TMC3: variants seen among roughly 807,000 people sequenced by gnomAD.
TMC3 encodes transmembrane channel-like protein 3.
Under a neutral mutation model 110.6 loss-of-function variants are expected in TMC3, and 98 were observed. The ratio of observed to expected loss-of-function variants is 0.89; its 90% CI spans 0.75 to 1.05. TMC3 has a LOEUF of 1.05. Among genes scored for constraint, TMC3 ranks in the 50% least tolerant of loss-of-function variants. TMC3 has a pLI of 0.00. For synonymous variants in TMC3, 489 were observed against 513.1 expected, an observed-to-expected ratio of 0.95 and a Z score of 0.63; for missense variants, 1,319 against 1,373.2, an observed-to-expected ratio of 0.96 and a Z score of 0.62.
Position 81,338,745 on chromosome 15 carries a change from G to T in TMC3, c.1991C>A (p.Thr664Lys), listed in dbSNP as rs745375862. ...CCACACAGGAAAGTCTTTCTCAATC[G>T]TTTCTGACACAATGTCATAAATTTT... ...QEKIYDIVSE[T>K]IEKDFPVWFG... is the part of the protein sequence containing the mutation. The change falls in exon 18 of 22, where the codon ACG becomes AAG. Residue 664 changes from threonine to lysine, a missense_variant. Thr to Lys is a moderately conservative substitution (Grantham distance 78, BLOSUM62 -1). Coordinates refer to ENST00000359440, the MANE Select transcript of TMC3 (RefSeq NM_001080532.3). 3 of 1,613,748 alleles carry T rather than the reference G, an allele frequency of 1.9e-6. No homozygotes were observed. The highest frequency in any genetic ancestry group is 2.5e-6 in the Non-Finnish European group (3 of 1,179,850).
intron 18 of TMC3, among the ~76,000 whole-genome samples, 165 bp from the exon 19 acceptor site, chr15:81,338,089 C>G (rs878968315): frequency 1.2e-4 from 18 of 152,108 alleles, no homozygotes; most frequent in Admixed American, 2.0e-4. Context: ...AGTTCTCAAG[C>G]CAGTGAGCAC....
rs533054507 is a variant in TMC3, at chr15:81,333,271, C to G, written c.2460-9G>C. On this transcript the variant is annotated splice_polypyrimidine_tract_variant and intron_variant, in intron 21 of 21. Coordinates refer to ENST00000359440, the MANE Select transcript of TMC3 (RefSeq NM_001080532.3). ...ACAGACCGTGCAGATACCTGTAAGA[C>G]AGGGGCGGTTAAGTAGCTGTGGCCT... 5.3e-5 allele frequency: 85 copies of G among 1,592,064 alleles called. No individual in the cohort carries two copies. Among genetic ancestry groups the G allele is most frequent in the Non-Finnish European group, 7.2e-5 (84 of 1,166,696 alleles).
chr15:81,361,151 A>G (rs1016376627), intron 4 of TMC3, among the ~76,000 whole-genome samples: 46 of 152,142 alleles, frequency 3.0e-4, no homozygotes, highest in African/African-American at 1.1e-3. Context: ...TTTGTCATCT[A>G]ACTTTTAGCT....
rs558450355 is a variant in TMC3 at position 81,364,249 on chromosome 15, A to G, written c.313-1948T>C. The stretch of plus-strand genomic sequence containing the variant: ...AGAGCACTGGACTGAATGGCCCAAG[A>G]TGCTCATTCTGGGAATAAGAGTCTA... On this transcript the variant is annotated intron_variant, in intron 3 of 21. Coordinates refer to ENST00000359440, the MANE Select transcript of TMC3 (RefSeq NM_001080532.3). 5.9e-5 allele frequency among the ~76,000 whole-genome samples: 9 copies of G among 152,240 alleles called. No individual in the cohort carries two copies. In the East Asian group the frequency reaches 1.7e-3, roughly 29 times the overall value.
At position 81,364,717 on chromosome 15, in the gene TMC3, A is replaced by T. The variant is rs866278551; in HGVS notation, c.313-2416T>A. Among the ~76,000 whole-genome samples, 146 of 145,822 alleles carry T rather than the reference A, an allele frequency of 1.0e-3. No homozygotes were observed. The Middle Eastern group carries it at 0.031, about 31-fold the overall frequency. On this transcript the variant is annotated intron_variant, in intron 3 of 21. Coordinates refer to ENST00000359440, the MANE Select transcript of TMC3 (RefSeq NM_001080532.3). Reference sequence around the variant, plus strand: ...CATTATTCCAAAAAAAAAAAAATAAAAAATAAAACTGTAATAAAAAAAAAA... The same window carrying T: ...CATTATTCCAAAAAAAAAAAAATAATAAATAAAACTGTAATAAAAAAAAAA...
intron 20 of TMC3, 49 bp downstream of exon 20, chr15:81,336,558 ACT>A (rs1341248454): frequency 1.3e-6 from 2 of 1,576,872 alleles, no homozygotes; most frequent in East Asian, 2.2e-5. Flanking sequence ...ACAGAGCAAG[ACT>A]CTGCCTCAAA....
At position 81,374,054 on chromosome 15, in the gene TMC3, C is replaced by T; in HGVS notation, c.24G>A (p.Gln8=). The T allele has an allele frequency of 6.2e-7, 1 of 1,613,828 alleles. No individual in the cohort carries two copies. Among genetic ancestry groups the T allele is most frequent in the Non-Finnish European group, 8.5e-7 (1 of 1,179,846 alleles). ...CATTTCTCCGGATGCCTCTATAGCG[C>T]TGGGATGCCTTCGAGGTTTTCATGG... MKTSKAS[Q]RYRGIRRNAS... is the part of the protein sequence containing the mutation. Residue 8 remains glutamine, a synonymous_variant, in exon 1 of 22, where the codon CAG becomes CAA. Coordinates refer to ENST00000359440, the MANE Select transcript of TMC3 (RefSeq NM_001080532.3).
intron 3 of TMC3, among the ~76,000 whole-genome samples, chr15:81,367,575 G>A (rs1465803077): frequency 2.6e-5 from 4 of 152,178 alleles, no homozygotes; most frequent in African/African-American, 9.7e-5. Flanking sequence ...TATAAAATGA[G>A]CATTGGCATA....
chr15:81,342,316 T>C (rs984735596), intron 15 of TMC3, among the ~76,000 whole-genome samples: 4 of 152,204 alleles, frequency 2.6e-5, no homozygotes, highest in African/African-American at 9.6e-5. Flanking sequence ...CTAAGTAAAA[T>C]GTTTCTAACA....
intron 5 of TMC3, 102 bp downstream of exon 5, chr15:81,359,263 C>G (rs1203370371): frequency 2.3e-6 from 2 of 864,100 alleles, no homozygotes; most frequent in Admixed American, 6.2e-5. Context: ...TACACAAACA[C>G]ATATATTTTC....
Position 81,344,830 on chromosome 15 carries a change from G to C in TMC3, c.1454C>G (p.Ala485Gly). 1 of 1,613,882 alleles carries C rather than the reference G, an allele frequency of 6.2e-7. No homozygotes were observed. Among genetic ancestry groups the C allele is most frequent in the Non-Finnish European group, 8.5e-7 (1 of 1,179,872 alleles). Reference protein sequence around the residue: ...ISAYTMPLIKANKTSLHTQSP... With the variant: ...ISAYTMPLIKGNKTSLHTQSP... Reference sequence around the variant, plus strand: ...CTGAGTGTGGAGGCTAGTCTTGTTGGCCTTTATAAGAGGCATGGTATAAGC... The same window carrying C: ...CTGAGTGTGGAGGCTAGTCTTGTTGCCCTTTATAAGAGGCATGGTATAAGC... Residue 485 changes from alanine to glycine, a missense_variant, in exon 13 of 22, where the codon GCC becomes GGC. Physicochemically the swap from Ala to Gly is moderately conservative, Grantham distance 60. Transcript: ENST00000359440.
At position 81,332,833 on chromosome 15, in the gene TMC3, CAG is replaced by C; in HGVS notation, c.2887_2888del (p.Leu963AspfsTer35). The C allele has an allele frequency of 6.2e-7, 1 of 1,613,184 alleles. No individual in the cohort carries two copies. The highest frequency in any genetic ancestry group is 1.1e-5 in the South Asian group (1 of 91,026). On this transcript the variant is annotated frameshift_variant, in exon 22 of 22. Coordinates refer to ENST00000359440, the MANE Select transcript of TMC3 (RefSeq NM_001080532.3). LOFTEE classifies it low-confidence loss of function (END_TRUNC). ...AATGAGGAGCCCGACGGAGGTCTATCAGGGAGCGTGGGGGAAGAGACCGTTTG... is the reference window on the plus strand; with the variant it reads ...AATGAGGAGCCCGACGGAGGTCTATCGGAGCGTGGGGGAAGAGACCGTTTG... Reference protein sequence around the residue: ...WIKRSLPPRSLIDLRRAPHFY... With the variant: ...WIKRSLPPRSXIDLRRAPHFY...
chr15:81,368,947 T>G (rs933983844), intron 2 of TMC3, among the ~76,000 whole-genome samples: 1 of 152,208 alleles, frequency 6.6e-6, no homozygotes. Flanking sequence ...AATTCATACC[T>G]TAAATGAACA....
chr15:81,359,196 A>C (rs1413712243), intron 5 of TMC3, among the ~76,000 whole-genome samples, 169 bp downstream of exon 5: 1 of 152,218 alleles, frequency 6.6e-6, no homozygotes, highest in Non-Finnish European at 1.5e-5. Flanking sequence ...GTAGCCCATG[A>C]AGCCTAAAGT....
chr15:81,346,151 A>G (rs1424868304), intron 12 of TMC3, among the ~76,000 whole-genome samples: 1 of 152,176 alleles, frequency 6.6e-6, no homozygotes. Flanking sequence ...ATCACTTACT[A>G]GTCATGCACT....
chr15:81,357,267 C>G (rs1232279751), intron 7 of TMC3, among the ~76,000 whole-genome samples: 11 of 152,104 alleles, frequency 7.2e-5, no homozygotes, highest in Admixed American at 6.5e-5. Context: ...GCCCCTAGGT[C>G]ATTATGCACC....
In TMC3 at chr15:81,332,126, G is replaced by A; in HGVS notation, c.*293C>T. The A allele has an allele frequency of 3.0e-6, 1 of 335,108 alleles. No individual in the cohort carries two copies. Among genetic ancestry groups the A allele is most frequent in the Non-Finnish European group, 5.4e-6 (1 of 183,674 alleles). The allele number at this position is 335,108 out of a possible 1,614,324, so 20.8% of individuals were successfully genotyped here. A position where few individuals can be genotyped will look rare whatever the true frequency, so the allele number is the denominator to read the frequency against. On this transcript the variant is annotated 3_prime_UTR_variant, in exon 22 of 22. Transcript: ENST00000359440. ...CTCTCCTTCTGTCTTGAGCCCCTCT[G>A]CCAAATTCTTTCTTCCGAGGAGGCA...
At chr15:81,369,118 T>C (rs989026778) in intron 2 of TMC3, among the ~76,000 whole-genome samples, 2 of 152,038 alleles carry the variant, frequency 1.3e-5, no homozygotes, top group African/African-American at 2.4e-5. Context: ...TGTTCAGTGT[T>C]GAAAAACTTA....
intron 20 of TMC3, 136 bp downstream of exon 20, chr15:81,336,473 C>G (rs1002666039): frequency 2.6e-6 from 2 of 764,026 alleles, no homozygotes; most frequent in African/African-American, 3.5e-5. Context: ...GAGGCTGAGG[C>G]AGGAGAATCA....
Sources: allele counts gnomAD v4.1 joint callset (sites outside exome capture counted in the v4.1 genomes callset), GRCh38; gene constraint gnomAD v4.1.1; transcripts MANE v1.5; gene names NCBI Gene and HGNC (gene_info 2026-07-23, HGNC 2026-07-21).